Variants in RPH3A observed in about 807,000 individuals in gnomAD.
The protein encoded by RPH3A is rabphilin-3A.
Under a neutral mutation model 102.2 loss-of-function variants are expected in RPH3A, and 48 were observed. The ratio of observed to expected loss-of-function variants is 0.47; its 90% CI spans 0.37 to 0.60. The LOEUF (loss-of-function observed/expected upper bound fraction) is 0.60, where lower values mean the gene tolerates loss of function less well. Ranked by LOEUF, RPH3A falls within the 20% of genes least tolerant of loss-of-function variation. RPH3A has a pLI of 0.00. For missense variants in RPH3A, 781 were observed against 910.1 expected (o/e 0.86, Z 1.83); for synonymous variants, 310 against 324.3 (o/e 0.96, Z 0.47).
At chr12:112,895,129 G>A (rs2043158431) in intron 20 of RPH3A, among the ~76,000 whole-genome samples, 1 of 152,102 alleles carries the variant, frequency 6.6e-6, no homozygotes, top group South Asian at 2.1e-4. Context: ...TTGAGACAGA[G>A]TCTCACTCTG....
At chr12:112,696,188 A>G (rs148904844) in intron 1 of RPH3A, among the ~76,000 whole-genome samples, 1 of 152,342 alleles carries the variant, frequency 6.6e-6, no homozygotes, top group East Asian at 1.9e-4. Flanking sequence ...ATGGCTGAGT[A>G]ATATTCCATG....
chr12:112,744,451 A>G (rs2040730248), intron 1 of RPH3A, among the ~76,000 whole-genome samples: 2 of 152,144 alleles, frequency 1.3e-5, no homozygotes, highest in African/African-American at 4.8e-5. Context: ...GGTATTTAAA[A>G]TCCTGCTTCT....
At chr12:112,579,764 C>T (rs2039383584) in intron 1 of RPH3A, among the ~76,000 whole-genome samples, 1 of 152,160 alleles carries the variant, frequency 6.6e-6, no homozygotes, top group Non-Finnish European at 1.5e-5. Context: ...GGGTTTCACT[C>T]TGTCACCCAG....
chr12:112,896,867 G>A lies in RPH3A; in HGVS notation c.*87G>A, dbSNP rs1265015599. The A allele has an allele frequency of 2.7e-6, 4 of 1,472,082 alleles. No homozygotes were observed. The South Asian group carries it at 3.6e-5, about 13-fold the overall frequency. 91.2% of individuals were successfully genotyped at this position (1,472,082 alleles called of 1,614,324 possible). On this transcript the variant is annotated 3_prime_UTR_variant, in exon 22 of 22. Transcript: ENST00000389385. ...CCGCACCCTGATCTCTCTTCTCTAT[G>A]CCTACCTCCCCCCATACCCTGCTGA...
At chr12:112,858,778 C>G (rs1254137034) in intron 5 of RPH3A, among the ~76,000 whole-genome samples, 1 of 152,202 alleles carries the variant, frequency 6.6e-6, no homozygotes, top group Non-Finnish European at 1.5e-5. Context: ...GATGGCAAGG[C>G]CAGACCACGT....
At chr12:112,826,865 T>C (rs147471669) in intron 2 of RPH3A, among the ~76,000 whole-genome samples, 1 of 152,324 alleles carries the variant, frequency 6.6e-6, no homozygotes, top group African/African-American at 2.4e-5. Flanking sequence ...TGTTCCTGTG[T>C]TAAGCTATTA....
chr12:112,712,384 T>C (rs902627090), intron 1 of RPH3A, among the ~76,000 whole-genome samples: 5 of 152,204 alleles, frequency 3.3e-5, no homozygotes, highest in African/African-American at 1.2e-4. Flanking sequence ...CAAAAAATGG[T>C]CCAACGTTGG....
rs377189510 is a variant in RPH3A, at chr12:112,587,431, G to A, written c.-140+12112G>A. On this transcript the variant is annotated intron_variant, in intron 1 of 21. Transcript: ENST00000543106. ...TTGAAATCTGAATTTTGCCACTTCT[G>A]AGCTATGTGATCTTGGATAATTGCT... Among the ~76,000 whole-genome samples the A allele has an allele frequency of 5.3e-5, 8 of 152,288 alleles. No homozygotes were observed. In the East Asian group the frequency reaches 1.4e-3, roughly 26 times the overall value.
At chr12:112,821,507 C>G (rs2041778978) in intron 2 of RPH3A, among the ~76,000 whole-genome samples, 1 of 152,148 alleles carries the variant, frequency 6.6e-6, no homozygotes, top group South Asian at 2.1e-4. Context: ...AAGCACATGC[C>G]TGCCCCAGGG....
intron 14 of RPH3A, among the ~76,000 whole-genome samples, chr12:112,880,984 T>A (rs868815077): frequency 1.3e-5 from 2 of 152,160 alleles, no homozygotes; most frequent in African/African-American, 4.8e-5. Context: ...GAGGAGCGGT[T>A]GGTCTTGCTG....
chr12:112,733,878 AG>A (rs1363941886), intron 1 of RPH3A, among the ~76,000 whole-genome samples: 13 of 152,212 alleles, frequency 8.5e-5, no homozygotes, highest in African/African-American at 3.1e-4. Flanking sequence ...AGCAAAGAAT[AG>A]GAGAGTGTAA....
chr12:112,810,231 T>G (rs1473241471), intron 2 of RPH3A, among the ~76,000 whole-genome samples: 3 of 152,170 alleles, frequency 2.0e-5, no homozygotes, highest in African/African-American at 7.2e-5. Context: ...GTCCTCAGCT[T>G]TGAAAGATGG....
rs73427058 is a variant in RPH3A, at chr12:112,841,146, T to C, written c.83+4644T>C. ...TTGCTTAAGCCCAGAAGCTTAAGCA[T>C]GGGCAACATAACAAGACCTTGTTTC... On this transcript the variant is annotated intron_variant, in intron 4 of 21. Transcript: ENST00000389385. Among the ~76,000 whole-genome samples the C allele has an allele frequency of 4.8e-3, 524 of 109,978 alleles. 4 individuals carry two copies. Among genetic ancestry groups the C allele is most frequent in the African/African-American group, 0.02 (515 of 25,894 alleles). The allele number at this position is 109,978 out of a possible 152,430, so 72.1% of individuals were successfully genotyped here.
intron 1 of RPH3A, among the ~76,000 whole-genome samples, chr12:112,765,104 C>T (rs1038455043): frequency 2.0e-5 from 3 of 152,136 alleles, no homozygotes; most frequent in African/African-American, 7.2e-5. Flanking sequence ...TCTGTATTCA[C>T]TAAAAGTTCT....
intron 1 of RPH3A, among the ~76,000 whole-genome samples, chr12:112,684,447 T>C (rs533221924): frequency 8.5e-5 from 13 of 152,102 alleles, no homozygotes; most frequent in Non-Finnish European, 1.5e-4. Context: ...TTTTTTTTTT[T>C]AGTAGAGACA....
intron 10 of RPH3A, among the ~76,000 whole-genome samples, chr12:112,873,271 A>T (rs1194870588): frequency 1.3e-5 from 2 of 152,246 alleles, no homozygotes; most frequent in Non-Finnish European, 2.9e-5. Flanking sequence ...TCATCTTCAC[A>T]TAATAGATGC....
In RPH3A at chr12:112,867,392, C is replaced by T. The variant is rs186825545; in HGVS notation, c.444+552C>T. Among the ~76,000 whole-genome samples the T allele has an allele frequency of 2.6e-5, 4 of 152,298 alleles. No individual in the cohort carries two copies. In the East Asian group the frequency reaches 7.7e-4, roughly 29 times the overall value. On this transcript the variant is annotated intron_variant, in intron 7 of 21. Coordinates refer to ENST00000389385, the MANE Select transcript of RPH3A (RefSeq NM_001143854.2). Reference sequence around the variant, plus strand: ...TTCCTTCTCCCAATTTTTTCATCCCCCATCCACTGCTGCAGAGTCCTGCCT... The same window carrying T: ...TTCCTTCTCCCAATTTTTTCATCCCTCATCCACTGCTGCAGAGTCCTGCCT...
intron 1 of RPH3A, among the ~76,000 whole-genome samples, chr12:112,628,205 A>T (rs544787872): frequency 1.3e-5 from 2 of 152,052 alleles, no homozygotes; most frequent in Admixed American, 1.3e-4. Flanking sequence ...AGAGATCAGG[A>T]GAAAGTTCGA....
In RPH3A at chr12:112,876,863, G is replaced by A. The variant is rs1355051021; in HGVS notation, c.1168G>A (p.Ala390Thr). 6 of 1,593,790 alleles carry A rather than the reference G, an allele frequency of 3.8e-6. No individual in the cohort carries two copies. Among genetic ancestry groups the A allele is most frequent in the Non-Finnish European group, 3.4e-6 (4 of 1,168,960 alleles). ...AGCCAACAGCTACGATTCGGATGAA[G>A]CAAGTAGGTGGTGCCTAAGGGAGAG... ...EEANSYDSDEATTLGALEFSL... is the reference protein window; with the variant it reads ...EEANSYDSDETTTLGALEFSL... The change falls in exon 13 of 22, where the codon GCA becomes ACA. Residue 390 changes from alanine to threonine, a missense_variant. Physicochemically the swap from Ala to Thr is moderately conservative, Grantham distance 58. Transcript: ENST00000389385.
Sources: gnomAD v4.1 joint callset for allele counts (sites outside exome capture counted in the v4.1 genomes callset) on GRCh38, gnomAD v4.1.1 for gene constraint, MANE v1.5 for transcripts, NCBI Gene and HGNC (gene_info 2026-07-23, HGNC 2026-07-21) for gene names.